Variants in CDK15 observed in about 807,000 individuals in gnomAD.
The protein encoded by CDK15 is cyclin dependent kinase 15, also known as cyclin-dependent kinase 15.
A neutral mutation model predicts 60.3 loss-of-function variants in CDK15; 62 were observed. The observed-to-expected ratio is 1.03, with a 90% CI of 0.84 to 1.27. The LOEUF is 1.27. Ranked by LOEUF, CDK15 falls within the 50% of genes most tolerant of loss-of-function variation. The pLI, the probability that CDK15 is intolerant of heterozygous loss-of-function variation, is 0.00. For missense variants in CDK15, 541 were observed against 527.8 expected (o/e 1.03, Z -0.25); for synonymous variants, 194 against 195.7 (o/e 0.99, Z 0.07).
chr2:201,848,581 C>G (rs1307193469), intron 9 of CDK15, among the ~76,000 whole-genome samples: 2 of 152,032 alleles, frequency 1.3e-5, no homozygotes, highest in African/African-American at 4.8e-5. Context: ...CCCCTAGTAA[C>G]CTCTAATCTA....
intron 11 of CDK15, among the ~76,000 whole-genome samples, chr2:201,874,965 G>A (rs1189545819): frequency 6.6e-6 from 1 of 151,440 alleles, no homozygotes; most frequent in Non-Finnish European, 1.5e-5. Context: ...CACCTCAGAG[G>A]TCAGTGGCAG....
intron 10 of CDK15, among the ~76,000 whole-genome samples, chr2:201,864,571 G>C (rs1279787393): frequency 6.6e-6 from 1 of 152,074 alleles, no homozygotes; most frequent in South Asian, 2.1e-4. Context: ...CACCCACCTC[G>C]GCCTTCCAAA....
At chr2:201,816,529 A>T (rs138087624) in intron 4 of CDK15, among the ~76,000 whole-genome samples, 12 of 134,258 alleles carry the variant, frequency 8.9e-5, no homozygotes, top group African/African-American at 3.4e-4. Context: ...TCTTTATCCA[A>T]TCCACCATTG....
At chr2:201,829,458 G>C (rs1696653927) in intron 6 of CDK15, among the ~76,000 whole-genome samples, 1 of 152,190 alleles carries the variant, frequency 6.6e-6, no homozygotes, top group Non-Finnish European at 1.5e-5. Flanking sequence ...TTCTGGATCT[G>C]AGTATTAAAA....
intron 4 of CDK15, among the ~76,000 whole-genome samples, chr2:201,821,816 G>A (rs1382535501): frequency 6.6e-6 from 1 of 152,074 alleles, no homozygotes; most frequent in Non-Finnish European, 1.5e-5. Context: ...GATTACAGGT[G>A]TGCACCACCA....
chr2:201,886,851 C>T (rs1478018473), intron 12 of CDK15, among the ~76,000 whole-genome samples: 1 of 152,074 alleles, frequency 6.6e-6, no homozygotes, highest in Non-Finnish European at 1.5e-5. Context: ...TTCCTGTAAC[C>T]TAATAGCTCC....
At chr2:201,826,703 C>A (rs1461269585) in intron 6 of CDK15, among the ~76,000 whole-genome samples, 1 of 152,024 alleles carries the variant, frequency 6.6e-6, no homozygotes, top group African/African-American at 2.4e-5. Context: ...GGTTAGCAAC[C>A]TGCATTTTAA....
intron 11 of CDK15, among the ~76,000 whole-genome samples, chr2:201,875,959 G>C (rs1299961430): frequency 6.6e-6 from 1 of 152,146 alleles, no homozygotes; most frequent in Non-Finnish European, 1.5e-5. Context: ...TTTATCACAG[G>C]ATTCTTTACC....
At position 201,873,387 on chromosome 2, in the gene CDK15, G is replaced by A. The variant is rs76506184; in HGVS notation, c.1058+1061G>A. Among the ~76,000 whole-genome samples, 22 of 152,266 alleles carry A rather than the reference G, an allele frequency of 1.4e-4. No homozygotes were observed. The East Asian group carries it at 3.3e-3, about 23-fold the overall frequency. On this transcript the variant is annotated intron_variant, in intron 11 of 13. Coordinates refer to ENST00000652192, the MANE Select transcript of CDK15 (RefSeq NM_001366386.2). The stretch of plus-strand genomic sequence containing the variant: ...TACTGTTTATCACTTCATTCAAGAC[G>A]TGCAGTATAGTCAGGCTCCTTCCCC...
rs796775970 is a variant in CDK15 at position 201,807,197 on chromosome 2, GA to G, written c.124-287del. Among the ~76,000 whole-genome samples, 354 of 145,632 alleles carry G rather than the reference GA, an allele frequency of 2.4e-3. 2 individuals are homozygous for G. The highest frequency in any genetic ancestry group is 8.3e-3 in the African/African-American group (332 of 39,782). ...CTACAGCAATAAATTAAGTGGACATGAAAAAAAAAAGCCAGACTTAAACAGA... is the reference window on the plus strand; with the variant it reads ...CTACAGCAATAAATTAAGTGGACATGAAAAAAAAAGCCAGACTTAAACAGA... On this transcript the variant is annotated intron_variant, in intron 1 of 13. Transcript: ENST00000652192.
chr2:201,857,565 G>A (rs919387780), intron 10 of CDK15, among the ~76,000 whole-genome samples: 2 of 152,112 alleles, frequency 1.3e-5, no homozygotes, highest in Non-Finnish European at 2.9e-5. Flanking sequence ...CTTTGTTACT[G>A]GGGTGCTCAT....
In CDK15 at chr2:201,872,122, CAGG is replaced by C. The variant is rs1698869758; in HGVS notation, c.1010-153_1010-151del. 2.6e-5 allele frequency among the ~76,000 whole-genome samples: 4 copies of C among 152,220 alleles called. 1 individual carries two copies. The highest frequency in any genetic ancestry group is 2.6e-4 in the Admixed American group (4 of 15,294). ...CTTTCACCAAATCATAAAAATTCAG[CAGG>C]AGATGAGGCTTTAAAAATCACATTA... is the stretch of plus-strand genomic sequence containing the variant. On this transcript the variant is annotated intron_variant, in intron 10 of 13. Coordinates refer to ENST00000652192, the MANE Select transcript of CDK15 (RefSeq NM_001366386.2).
At chr2:201,816,519 T>G (rs1041732917) in intron 4 of CDK15, among the ~76,000 whole-genome samples, 1 of 150,056 alleles carries the variant, frequency 6.7e-6, no homozygotes, top group African/African-American at 2.5e-5. Flanking sequence ...GTACAAATTT[T>G]CTTTATCCAA....
At chr2:201,832,855 G>GC (rs1374330079) in intron 6 of CDK15, among the ~76,000 whole-genome samples, 1 of 152,196 alleles carries the variant, frequency 6.6e-6, no homozygotes, top group African/African-American at 2.4e-5. Context: ...CTGCCATTTT[G>GC]CCCATGTCCC....
chr2:201,861,548 TTTGTTTTTTTTTTTTTC>T, intron 10 of CDK15: 8 of 968,426 alleles, frequency 8.3e-6, no homozygotes, highest in Non-Finnish European at 9.7e-6. Context: ...TTTTTGTTGG[TTTGTTTTTTTTTTTTTC>T]TTTTTTTTTT....
chr2:201,827,135 G>A (rs1034458510), intron 6 of CDK15, among the ~76,000 whole-genome samples: 1 of 152,166 alleles, frequency 6.6e-6, no homozygotes, highest in Non-Finnish European at 1.5e-5. Flanking sequence ...GTGGCTGAGA[G>A]CCTCATTTTC....
chr2:201,874,740 C>G (rs1052372843), intron 11 of CDK15, among the ~76,000 whole-genome samples: 1 of 152,134 alleles, frequency 6.6e-6, no homozygotes, highest in Non-Finnish European at 1.5e-5. Context: ...CTAGTAGGTA[C>G]GCACTCACTT....
chr2:201,857,794 G>C (rs1274279795), intron 10 of CDK15, among the ~76,000 whole-genome samples: 1 of 152,112 alleles, frequency 6.6e-6, no homozygotes, highest in African/African-American at 2.4e-5. Flanking sequence ...TGCATTTCAG[G>C]AACATCCTCT....
intron 8 of CDK15, among the ~76,000 whole-genome samples, chr2:201,839,530 A>G (rs1159390292): frequency 2.0e-5 from 3 of 152,138 alleles, no homozygotes; most frequent in Non-Finnish European, 1.5e-5. Flanking sequence ...TGAATGTTAA[A>G]TTTCCTGATT....
Sources: allele counts gnomAD v4.1 joint callset (sites outside exome capture counted in the v4.1 genomes callset), GRCh38; gene constraint gnomAD v4.1.1; transcripts MANE v1.5; gene names NCBI Gene and HGNC (gene_info 2026-07-23, HGNC 2026-07-21).